The following SMAD1 variants were observed in gnomAD, a reference collection of about 807,000 sequenced individuals.
SMAD1 encodes the protein SMAD family member 1, also known as MAD, mothers against decapentaplegic homolog 1.
SMAD1 carries 6 observed loss-of-function variants against 41.6 expected under a neutral mutation model. The observed-to-expected ratio is 0.14, with a 90% CI of 0.08 to 0.28. The LOEUF is 0.28. SMAD1 is among the 10% of genes least tolerant of loss of function. The probability of loss-of-function intolerance (pLI) is 1.00; values close to 1 mark genes in which losing one functional copy is unlikely to be tolerated. For synonymous variants in SMAD1, 206 were observed against 203.2 expected (o/e 1.01, Z -0.12); for missense variants, 379 against 582.6 (o/e 0.65, Z 3.60).
chr4:145,502,400 CTTTG>C (rs753287749), intron 1 of SMAD1, among the ~76,000 whole-genome samples: 24 of 152,298 alleles, frequency 1.6e-4, no homozygotes, highest in East Asian at 3.9e-4. Flanking sequence ...GAAAAGCCAA[CTTTG>C]TTTGTTGAAG....
Position 145,539,864 on chromosome 4 carries a change from C to T in SMAD1, c.461C>T (p.Ala154Val). The T allele has an allele frequency of 6.2e-7, 1 of 1,614,088 alleles. No homozygotes were observed. Among genetic ancestry groups the T allele is most frequent in the Non-Finnish European group, 8.5e-7 (1 of 1,179,998 alleles). The change falls in exon 3 of 7, where the codon GCT becomes GTT. Residue 154 changes from alanine (A) to valine (V), a missense_variant. This residue lies in a region of SMAD1 where 208 missense variants were observed against 210.5 expected (regional missense o/e 0.99). Transcript: ENST00000302085. ...TATAATCCTCAGCACAGCCTCTTAG[C>T]TCAGTTCCGTAACTTAGGACAAAAT... is the stretch of plus-strand genomic sequence containing the variant. The part of the protein sequence containing the change: ...SEYNPQHSLL[A>V]QFRNLGQNEP...
At chr4:145,515,096 G>T in intron 2 of SMAD1, 83 bp downstream of exon 2, 1 of 1,346,548 alleles carries the variant, frequency 7.4e-7, no homozygotes, top group Non-Finnish European at 1.0e-6. Context: ...TAATCCCTTT[G>T]CTTGTTTTTA....
upstream of SMAD1, chr4:145,481,669 C>G (rs1471249513): frequency 1.3e-5 from 2 of 155,148 alleles, no homozygotes; most frequent in Non-Finnish European, 2.9e-5. Context: ...CGGCCCCGGC[C>G]GCGCTGCGCT....
intron 1 of SMAD1, among the ~76,000 whole-genome samples, chr4:145,502,363 T>G (rs2068991): frequency 0.2 from 30,019 of 152,146 alleles, 6,969 homozygotes; most frequent in African/African-American, 0.56. Context: ...GTTGTACAAC[T>G]TTTAGAGGAA....
At chr4:145,541,920 C>T (rs1283852263) in intron 3 of SMAD1, among the ~76,000 whole-genome samples, 1 of 152,172 alleles carries the variant, frequency 6.6e-6, no homozygotes, top group Non-Finnish European at 1.5e-5. Context: ...TTTAAAAAAT[C>T]ATGTTTGCCT....
At chr4:145,546,981 A>G in intron 5 of SMAD1, 57 bp downstream of exon 5, 2 of 1,331,230 alleles carry the variant, frequency 1.5e-6, no homozygotes, top group South Asian at 1.2e-5. Context: ...CTGTTCCTCC[A>G]GAGCTGACTT....
At chr4:145,485,327 C>T (rs147788531) in intron 1 of SMAD1, among the ~76,000 whole-genome samples, 2,110 of 152,296 alleles carry the variant, frequency 0.014, 64 homozygotes, top group African/African-American at 0.048. Flanking sequence ...TCTCCCGCCT[C>T]GGCCTCCCAA....
chr4:145,486,667 A>G (rs187175473), intron 1 of SMAD1, among the ~76,000 whole-genome samples: 7 of 152,322 alleles, frequency 4.6e-5, no homozygotes, highest in African/African-American at 1.2e-4. Flanking sequence ...GGGACTGCCA[A>G]GTGCTTTCAT....
chr4:145,550,347 CT>C (rs983589456), intron 5 of SMAD1, among the ~76,000 whole-genome samples: 2 of 151,952 alleles, frequency 1.3e-5, no homozygotes, highest in African/African-American at 4.8e-5. Flanking sequence ...ACCCGGGTCT[CT>C]ACTAAAAATT....
At chr4:145,545,345 G>A (rs1349187394) in intron 4 of SMAD1, 1 of 152,202 alleles carries the variant, frequency 6.6e-6, no homozygotes, top group South Asian at 2.1e-4. Context: ...CCTGATAGCT[G>A]ATAAAAGCCT....
At chr4:145,513,398 C>A (rs1402065613) in intron 1 of SMAD1, 1 of 152,150 alleles carries the variant, frequency 6.6e-6, no homozygotes, top group Non-Finnish European at 1.5e-5. Context: ...AAGTTAACCT[C>A]CTTAACCTTT....
upstream of SMAD1, chr4:145,481,764 AGCGG>A (rs775521224): frequency 1.0e-4 from 20 of 193,422 alleles, no homozygotes; most frequent in South Asian, 5.6e-4. Flanking sequence ...TGAGCGTGTG[AGCGG>A]GCGGGCGGGC....
chr4:145,492,845 T>C (rs1031281066), intron 1 of SMAD1, among the ~76,000 whole-genome samples: 2 of 152,194 alleles, frequency 1.3e-5, no homozygotes, highest in Non-Finnish European at 2.9e-5. Context: ...CCCAAATATA[T>C]ATTTTACAGT....
intron 6 of SMAD1, among the ~76,000 whole-genome samples, chr4:145,556,979 C>T (rs1278787110): frequency 6.6e-6 from 1 of 152,106 alleles, no homozygotes; most frequent in African/African-American, 2.4e-5. Context: ...CGCCTGGCCC[C>T]AGATGTATTT....
intron 1 of SMAD1, among the ~76,000 whole-genome samples, chr4:145,507,841 T>G (rs1046011328): frequency 2.0e-5 from 3 of 152,178 alleles, no homozygotes; most frequent in Admixed American, 1.3e-4. Flanking sequence ...GTAGTTGTCT[T>G]GCCAAGGCCA....
chr4:145,519,483 G>A (rs964684785), intron 2 of SMAD1, among the ~76,000 whole-genome samples: 13 of 150,236 alleles, frequency 8.7e-5, no homozygotes, highest in Non-Finnish European at 1.6e-4. Flanking sequence ...GCAAGACCCC[G>A]TCTTAATTTT....
intron 1 of SMAD1, among the ~76,000 whole-genome samples, chr4:145,510,810 T>A (rs1730033547): frequency 6.6e-6 from 1 of 152,204 alleles, no homozygotes; most frequent in Admixed American, 6.5e-5. Flanking sequence ...AATCTCCCAC[T>A]AGGATTGTGG....
At chr4:145,489,302 A>G (rs1728651909) in intron 1 of SMAD1, among the ~76,000 whole-genome samples, 1 of 152,124 alleles carries the variant, frequency 6.6e-6, no homozygotes. Flanking sequence ...AGGGCCTTAG[A>G]GTGCCAGAAT....
chr4:145,530,419 C>T (rs944891057), intron 2 of SMAD1, among the ~76,000 whole-genome samples: 38 of 152,090 alleles, frequency 2.5e-4, no homozygotes, highest in Non-Finnish European at 5.0e-4. Context: ...TCATAGCAGA[C>T]GTTCTGTGGG....
Sources: allele counts gnomAD v4.1 joint callset (sites outside exome capture counted in the v4.1 genomes callset), GRCh38; gene constraint gnomAD v4.1.1; regional missense constraint gnomAD v4.1.1; transcripts MANE v1.5; gene names NCBI Gene and HGNC (gene_info 2026-07-23, HGNC 2026-07-21).